Variants in HMGA2 observed in about 807,000 individuals in gnomAD.
HMGA2 encodes high mobility group protein HMGI-C.
In HMGA2, 8 loss-of-function variants were observed where a neutral mutation model predicts 19.1. That is an observed-to-expected ratio of 0.42 (90% CI 0.25 to 0.76). HMGA2 has a LOEUF of 0.76. Ranked by LOEUF, HMGA2 falls within the 30% of genes least tolerant of loss-of-function variation. The pLI is 0.28. For missense variants in HMGA2, 109 were observed against 136.3 expected (o/e 0.80, Z 1.00); for synonymous variants, 60 against 48.8 (o/e 1.23, Z -0.96).
rs1870070455 is a variant in HMGA2 at position 65,825,016 on chromosome 12, C to G, written c.-255C>G. ...TCCACCTCCGGCACCCACCCACCGC[C>G]GCCGCCGCCACCGGCAGCGCCTCCT... On this transcript the variant is annotated 5_prime_UTR_variant, in exon 1 of 5. Transcript: ENST00000403681. This position sits in a 1 kb window ranked among gnomAD's most constrained non-coding sequence, Gnocchi z 4.4. 2.3e-6 allele frequency: 1 copy of G among 426,476 alleles called. No individual in the cohort carries two copies. The highest frequency in any genetic ancestry group is 2.1e-5 in the African/African-American group (1 of 48,166). 26.4% of individuals were successfully genotyped at this position (426,476 alleles called of 1,614,324 possible). A position where few individuals can be genotyped will look rare whatever the true frequency, so the allele number is the denominator to read the frequency against.
At chr12:65,861,284 T>C (rs1345241464) in intron 3 of HMGA2, among the ~76,000 whole-genome samples, 2 of 152,140 alleles carry the variant, frequency 1.3e-5, no homozygotes, top group African/African-American at 2.4e-5. Context: ...GAGAATCGCT[T>C]GAACCTGGGA....
intron 3 of HMGA2, among the ~76,000 whole-genome samples, chr12:65,853,764 G>A (rs989126984): frequency 1.7e-4 from 26 of 152,188 alleles, no homozygotes; most frequent in Admixed American, 1.2e-3. Flanking sequence ...AGTGCTTGGC[G>A]CATCGTGAGT....
At chr12:65,926,776 G>A (rs1024023032) in intron 3 of HMGA2, among the ~76,000 whole-genome samples, 3 of 152,162 alleles carry the variant, frequency 2.0e-5, no homozygotes, top group Non-Finnish European at 4.4e-5. Flanking sequence ...CACCCTCATT[G>A]TCACAGGAAA....
At chr12:65,889,501 T>C (rs534963194) in intron 3 of HMGA2, among the ~76,000 whole-genome samples, 1 of 152,280 alleles carries the variant, frequency 6.6e-6, no homozygotes, top group East Asian at 1.9e-4. Context: ...GTGAATATTC[T>C]AGAGAGTTTC....
intron 3 of HMGA2, among the ~76,000 whole-genome samples, chr12:65,883,831 G>C (rs1055497487): frequency 6.6e-6 from 1 of 152,148 alleles, no homozygotes; most frequent in African/African-American, 2.4e-5. Flanking sequence ...AGAGAGTTCA[G>C]GACACAATTG....
intron 3 of HMGA2, among the ~76,000 whole-genome samples, chr12:65,864,986 CCT>C (rs1379089438): frequency 2.6e-5 from 4 of 152,134 alleles, no homozygotes; most frequent in Non-Finnish European, 5.9e-5. Flanking sequence ...CCCTCTTCTG[CCT>C]CTGTTACCCC....
intron 3 of HMGA2, among the ~76,000 whole-genome samples, chr12:65,919,917 C>T (rs1055643222): frequency 2.0e-5 from 3 of 152,146 alleles, no homozygotes; most frequent in East Asian, 3.8e-4. Flanking sequence ...TTTTTAATGA[C>T]GAAAGATGGA....
intron 3 of HMGA2, among the ~76,000 whole-genome samples, chr12:65,890,484 A>G (rs973935191): frequency 3.9e-5 from 6 of 152,204 alleles, no homozygotes; most frequent in African/African-American, 1.4e-4. Flanking sequence ...TATCCTGAAT[A>G]CTATTTAATA....
rs1287482116 is a variant in HMGA2 at position 65,963,703 on chromosome 12, C to T, written c.*411C>T. On this transcript the variant is annotated 3_prime_UTR_variant, in exon 5 of 5. Transcript: ENST00000403681. ...AACAAGAAACGTGTCACACTTGTGA[C>T]GTCGGGCATTCATATAGGAAGAACG... 17 of 361,260 alleles carry T rather than the reference C, an allele frequency of 4.7e-5. No individual in the cohort carries two copies. Among genetic ancestry groups the T allele is most frequent in the East Asian group, 9.9e-5 (2 of 20,140 alleles). The allele number at this position is 361,260 out of a possible 1,614,324, so 22.4% of individuals were successfully genotyped here.
In HMGA2 at chr12:65,824,633, C is replaced by G. The variant is rs1038101185; in HGVS notation, c.-638C>G. The G allele has an allele frequency of 4.3e-6, 1 of 232,592 alleles. No homozygotes were observed. Among genetic ancestry groups the G allele is most frequent in the Non-Finnish European group, 8.5e-6 (1 of 118,094 alleles). The allele number at this position is 232,592 out of a possible 1,614,324, so 14.4% of individuals were successfully genotyped here. A position where few individuals can be genotyped will look rare whatever the true frequency, so the allele number is the denominator to read the frequency against. Reference sequence around the variant, plus strand: ...ACTACTCTGTCCTCTGCCTGTGCTCCGTGCCCGACCCTATCCCGGCGGAGT... The same window carrying G: ...ACTACTCTGTCCTCTGCCTGTGCTCGGTGCCCGACCCTATCCCGGCGGAGT... On this transcript the variant is annotated 5_prime_UTR_variant, in exon 1 of 5. Transcript: ENST00000403681.
intron 3 of HMGA2, among the ~76,000 whole-genome samples, chr12:65,924,437 C>T (rs73121716): frequency 0.011 from 1,621 of 151,988 alleles, 13 homozygotes; most frequent in Non-Finnish European, 0.018. Flanking sequence ...CTCAGCCTAC[C>T]GCAAGACCTC....
chr12:65,873,396 A>G (rs964537046), intron 3 of HMGA2, among the ~76,000 whole-genome samples: 2 of 137,090 alleles, frequency 1.5e-5, no homozygotes, highest in Non-Finnish European at 3.5e-5. Flanking sequence ...TTTTCTCAAT[A>G]TTTTTTTCGT....
intron 3 of HMGA2, chr12:65,857,750 C>CT (rs1164003373): frequency 6.6e-6 from 1 of 152,116 alleles, no homozygotes; most frequent in Non-Finnish European, 1.5e-5. Flanking sequence ...CTTTTACTGA[C>CT]TTTTATATAT....
chr12:65,888,537 A>T (rs1235995068), intron 3 of HMGA2, among the ~76,000 whole-genome samples: 2 of 137,378 alleles, frequency 1.5e-5, no homozygotes, highest in Non-Finnish European at 3.1e-5. Flanking sequence ...ATAGGAATAG[A>T]GTGCCCGTGG....
chr12:65,911,998 T>C (rs1008923869), intron 3 of HMGA2, among the ~76,000 whole-genome samples: 6 of 152,192 alleles, frequency 3.9e-5, no homozygotes, highest in Non-Finnish European at 5.9e-5. Flanking sequence ...TCTACACTTA[T>C]AGATAATACG....
intron 3 of HMGA2, among the ~76,000 whole-genome samples, chr12:65,938,145 T>G (rs1875960402): frequency 6.6e-6 from 1 of 152,172 alleles, no homozygotes; most frequent in Non-Finnish European, 1.5e-5. Context: ...GAATGGACAC[T>G]GCAAATGGCT....
At chr12:65,854,043 G>A (rs892557673) in intron 3 of HMGA2, among the ~76,000 whole-genome samples, 1 of 152,170 alleles carries the variant, frequency 6.6e-6, no homozygotes. Context: ...TTTAAACTAT[G>A]TGTAATGCTG....
At chr12:65,827,975 A>G (rs1046710264) in intron 1 of HMGA2, 26 bp from the exon 2 acceptor site, 8 of 1,507,846 alleles carry the variant, frequency 5.3e-6, no homozygotes, top group Non-Finnish European at 7.4e-6. Context: ...TTGCCACAAC[A>G]GCATTTTTTT....
chr12:65,942,946 A>G (rs1565739056), intron 3 of HMGA2, among the ~76,000 whole-genome samples: 1 of 152,240 alleles, frequency 6.6e-6, no homozygotes, highest in Non-Finnish European at 1.5e-5. Context: ...ATTTTTTTTC[A>G]GTGACCTTAT....
Sources: allele counts gnomAD v4.1 joint callset (sites outside exome capture counted in the v4.1 genomes callset), GRCh38; gene constraint gnomAD v4.1.1; non-coding constraint Gnocchi (gnomAD v3.1); transcripts MANE v1.5; gene names NCBI Gene and HGNC (gene_info 2026-07-23, HGNC 2026-07-21).